Variants in PTPRG observed in about 807,000 individuals in gnomAD.
PTPRG encodes the protein protein tyrosine phosphatase receptor type G.
PTPRG carries 102 observed loss-of-function variants against 165.3 expected under a neutral mutation model. That is an observed-to-expected ratio of 0.62 (90% CI 0.53 to 0.73). The LOEUF (loss-of-function observed/expected upper bound fraction) is 0.73, where lower values mean the gene tolerates loss of function less well. Among genes scored for constraint, PTPRG ranks in the 30% least tolerant of loss-of-function variants. The pLI is 0.00. For synonymous variants in PTPRG, 675 were observed against 669.5 expected, an observed-to-expected ratio of 1.01 and a Z score of -0.13; for missense variants, 1,866 against 1,861.4, an observed-to-expected ratio of 1.00 and a Z score of -0.05.
At chr3:61,600,589 G>C (rs192132278) in intron 1 of PTPRG, among the ~76,000 whole-genome samples, 203 of 152,222 alleles carry the variant, frequency 1.3e-3, no homozygotes, top group Middle Eastern at 6.8e-3. Flanking sequence ...ACCCAGGCTG[G>C]AGTGCAGCGG....
chr3:62,196,146 C>A (rs1018711331), intron 10 of PTPRG, among the ~76,000 whole-genome samples: 2 of 151,702 alleles, frequency 1.3e-5, no homozygotes, highest in African/African-American at 4.8e-5. Context: ...CCTGTTATCC[C>A]AGCACTTTGG....
At chr3:61,733,260 T>C (rs1036784727) in intron 1 of PTPRG, among the ~76,000 whole-genome samples, 2 of 152,198 alleles carry the variant, frequency 1.3e-5, no homozygotes, top group Admixed American at 1.3e-4. Context: ...GTGAAATAAC[T>C]AAATCTTCAT....
chr3:61,813,712 A>G (rs903951687), intron 2 of PTPRG, among the ~76,000 whole-genome samples: 1 of 151,930 alleles, frequency 6.6e-6, no homozygotes, highest in African/African-American at 2.4e-5. Context: ...TCTTCCATGG[A>G]ACATCTTGTT....
chr3:62,103,784 TA>T (rs1204123813), intron 5 of PTPRG, among the ~76,000 whole-genome samples: 1 of 152,152 alleles, frequency 6.6e-6, no homozygotes, highest in African/African-American at 2.4e-5. Flanking sequence ...AGGAAGTGGG[TA>T]GCCTAGAAAC....
At chr3:62,176,288 G>A (rs574891815) in intron 8 of PTPRG, among the ~76,000 whole-genome samples, 2 of 152,126 alleles carry the variant, frequency 1.3e-5, no homozygotes, top group Non-Finnish European at 1.5e-5. Context: ...AGTGAGAAAT[G>A]GAGTATTATT....
intron 1 of PTPRG, among the ~76,000 whole-genome samples, chr3:61,702,048 G>A (rs1215334812): frequency 1.3e-5 from 2 of 152,024 alleles, no homozygotes; most frequent in East Asian, 1.9e-4. Context: ...GCGCGATCTC[G>A]GCTCACTGCA....
At chr3:62,030,163 C>G (rs1341632586) in intron 4 of PTPRG, among the ~76,000 whole-genome samples, 1 of 151,008 alleles carries the variant, frequency 6.6e-6, no homozygotes, top group Non-Finnish European at 1.5e-5. Context: ...TACATATACA[C>G]ACAGTTCTAA....
intron 2 of PTPRG, among the ~76,000 whole-genome samples, chr3:61,852,190 C>G (rs988311726): frequency 2.0e-5 from 3 of 152,154 alleles, no homozygotes; most frequent in Non-Finnish European, 2.9e-5. Context: ...TTTTCTCTCT[C>G]TTTGCGTCTG....
chr3:61,895,566 T>G (rs2038333889), intron 2 of PTPRG, among the ~76,000 whole-genome samples: 1 of 152,228 alleles, frequency 6.6e-6, no homozygotes, highest in African/African-American at 2.4e-5. Flanking sequence ...TCCACATGTC[T>G]TAAGACAGAG....
At chr3:61,705,776 G>A (rs1423707086) in intron 1 of PTPRG, among the ~76,000 whole-genome samples, 2 of 152,212 alleles carry the variant, frequency 1.3e-5, no homozygotes, top group Non-Finnish European at 2.9e-5. Context: ...GTGGTACCCC[G>A]TATTCATCAT....
intron 2 of PTPRG, among the ~76,000 whole-genome samples, chr3:61,799,377 G>T (rs190100325): frequency 5.3e-4 from 81 of 152,276 alleles, no homozygotes; most frequent in Middle Eastern, 3.4e-3. Context: ...TGGCTATTCA[G>T]ATGGCCTTAT....
At chr3:61,764,234 G>A (rs562420606) in intron 2 of PTPRG, among the ~76,000 whole-genome samples, 2 of 152,306 alleles carry the variant, frequency 1.3e-5, no homozygotes, top group South Asian at 4.2e-4. Flanking sequence ...TATTTTCTGA[G>A]CCTTGTTTTT....
At chr3:61,917,043 G>A (rs181389960) in intron 2 of PTPRG, among the ~76,000 whole-genome samples, 40 of 152,224 alleles carry the variant, frequency 2.6e-4, no homozygotes, top group African/African-American at 9.2e-4. Flanking sequence ...TAGCGATGTG[G>A]GGACTGGAAT....
intron 4 of PTPRG, among the ~76,000 whole-genome samples, chr3:62,033,474 C>G (rs1263906001): frequency 6.6e-6 from 1 of 151,092 alleles, no homozygotes; most frequent in Non-Finnish European, 1.5e-5. Context: ...AGTGATTCTC[C>G]CACCTAAGCC....
At chr3:62,090,926 C>T (rs928686249) in intron 5 of PTPRG, among the ~76,000 whole-genome samples, 1 of 152,186 alleles carries the variant, frequency 6.6e-6, no homozygotes, top group Non-Finnish European at 1.5e-5. Flanking sequence ...CAATCCCATG[C>T]CACTTCAATC....
intron 5 of PTPRG, among the ~76,000 whole-genome samples, chr3:62,115,628 C>T (rs1702835870): frequency 6.6e-6 from 1 of 151,888 alleles, no homozygotes; most frequent in African/African-American, 2.4e-5. Flanking sequence ...ATAGATTGAT[C>T]CAAGGCACAT....
chr3:61,825,714 A>C (rs1575696305), intron 2 of PTPRG, among the ~76,000 whole-genome samples: 1 of 151,972 alleles, frequency 6.6e-6, no homozygotes, highest in South Asian at 2.1e-4. Flanking sequence ...ATAGGATCAC[A>C]GCTCACTGCA....
chr3:62,215,955 C>T (rs778988209), intron 12 of PTPRG, among the ~76,000 whole-genome samples: 39 of 152,148 alleles, frequency 2.6e-4, no homozygotes, highest in Non-Finnish European at 4.4e-4. Flanking sequence ...CGGTGGCTCA[C>T]GCCTGTAATC....
intron 2 of PTPRG, among the ~76,000 whole-genome samples, chr3:61,836,989 C>T (rs1241915301): frequency 6.6e-6 from 1 of 152,142 alleles, no homozygotes; most frequent in Non-Finnish European, 1.5e-5. Context: ...CGGCTTACTG[C>T]AGCCTTCACC....
Sources: allele counts gnomAD v4.1 joint callset (sites outside exome capture counted in the v4.1 genomes callset), GRCh38; gene constraint gnomAD v4.1.1; transcripts MANE v1.5; gene names NCBI Gene and HGNC (gene_info 2026-07-23, HGNC 2026-07-21).